Variants in SAMMSON observed in about 807,000 individuals in gnomAD.
SAMMSON encodes the protein survival associated mitochondrial melanoma specific oncogenic non-coding RNA.
intron 4 of SAMMSON, among the ~76,000 whole-genome samples, chr3:70,180,416 C>T (rs1157134385): frequency 1.3e-5 from 2 of 151,884 alleles, no homozygotes; most frequent in South Asian, 2.1e-4. Flanking sequence ...TATATACTAC[C>T]TACATATATT....
At chr3:70,208,822 CT>C (rs1031396043) in intron 4 of SAMMSON, among the ~76,000 whole-genome samples, 1 of 152,058 alleles carries the variant, frequency 6.6e-6, no homozygotes, top group African/African-American at 2.4e-5. Context: ...TCCAAACAGC[CT>C]TGGTTTTCAA....
At chr3:70,166,441 T>C (rs1217283677) in intron 4 of SAMMSON, among the ~76,000 whole-genome samples, 3 of 150,536 alleles carry the variant, frequency 2.0e-5, no homozygotes, top group Non-Finnish European at 4.4e-5. Context: ...TGTAGATCTC[T>C]AGAAGAGGTG....
chr3:70,215,997 G>T (rs529435766), intron 4 of SAMMSON, among the ~76,000 whole-genome samples: 2 of 151,966 alleles, frequency 1.3e-5, no homozygotes, highest in South Asian at 4.2e-4. Flanking sequence ...TGCAACATTT[G>T]CATTGATATC....
rs551258985 is a variant in SAMMSON at position 70,413,053 on chromosome 3, A to C, written n.234-49507A>C. On this transcript the variant is annotated intron_variant and non_coding_transcript_variant, in intron 2 of 3. Transcript: ENST00000641053. ...CGGCAATTCTTAAGAAAATAACCTT[A>C]AAAGAAGTCTTAAAACCTGTATTTC... Among the ~76,000 whole-genome samples, 9 of 152,268 alleles carry C rather than the reference A, an allele frequency of 5.9e-5. 1 individual carries two copies. In the South Asian group the frequency reaches 1.9e-3, roughly 32 times the overall value.
At position 70,398,434 on chromosome 3, in the gene SAMMSON, T is replaced by C. The variant is rs1234108266; in HGVS notation, n.233+40110T>C. Among the ~76,000 whole-genome samples, 5 of 152,194 alleles carry C rather than the reference T, an allele frequency of 3.3e-5. 1 individual carries two copies. The East Asian group carries it at 9.6e-4, about 29-fold the overall frequency. On this transcript the variant is annotated intron_variant and non_coding_transcript_variant, in intron 2 of 3. Coordinates refer to the SAMMSON transcript ENST00000641053. ...AACTGGTTTCTTAAACAAATCAGCA[T>C]AAAAATTTCTAAAGCACTGTATTCT...
chr3:70,198,793 T>C (rs1018153017), intron 4 of SAMMSON, among the ~76,000 whole-genome samples: 12 of 152,234 alleles, frequency 7.9e-5, no homozygotes, highest in African/African-American at 2.9e-4. Flanking sequence ...CCAGATTTGC[T>C]GTATTTTTCT....
At chr3:70,215,228 G>A (rs1235748431) in intron 4 of SAMMSON, among the ~76,000 whole-genome samples, 1 of 152,132 alleles carries the variant, frequency 6.6e-6, no homozygotes, top group Non-Finnish European at 1.5e-5. Context: ...TAGAGGGTCA[G>A]AGATTTTAGT....
At chr3:70,223,251 A>T (rs1249058535) in intron 4 of SAMMSON, among the ~76,000 whole-genome samples, 1 of 152,102 alleles carries the variant, frequency 6.6e-6, no homozygotes, top group Non-Finnish European at 1.5e-5. Flanking sequence ...AGCAATCGAA[A>T]CTCAGAGAGA....
intron 4 of SAMMSON, among the ~76,000 whole-genome samples, chr3:70,175,127 TTAACTC>T (rs1027227614): frequency 2.6e-5 from 4 of 152,068 alleles, no homozygotes; most frequent in African/African-American, 9.7e-5. Context: ...ACACAGTAGT[TTAACTC>T]TATTGGGGAC....
In SAMMSON at chr3:70,041,094, A is replaced by G. The variant is rs536019569; in HGVS notation, n.417+27422A>G. 1.7e-3 allele frequency among the ~76,000 whole-genome samples: 252 copies of G among 152,200 alleles called. 2 individuals are homozygous for G. Among genetic ancestry groups the G allele is most frequent in the Non-Finnish European group, 2.6e-3 (175 of 67,998 alleles). On this transcript the variant is annotated intron_variant and non_coding_transcript_variant, in intron 3 of 9. Coordinates refer to ENST00000642114, the Ensembl canonical transcript of SAMMSON. ...TAAGGCTCAGTTTTGGTAAGGCTCCAATTTATTTGCATGGGGCTTCTTCTA... is the reference window on the plus strand; with the variant it reads ...TAAGGCTCAGTTTTGGTAAGGCTCCGATTTATTTGCATGGGGCTTCTTCTA...
At chr3:70,140,012 T>A (rs1371026830) in intron 4 of SAMMSON, among the ~76,000 whole-genome samples, 1 of 152,198 alleles carries the variant, frequency 6.6e-6, no homozygotes, top group African/African-American at 2.4e-5. Flanking sequence ...TCTAAATCTT[T>A]AAGTTCTGCT....
intron 3 of SAMMSON, among the ~76,000 whole-genome samples, chr3:70,057,657 A>AGTGTGTGT (rs35757148): frequency 7.4e-5 from 11 of 148,894 alleles, no homozygotes; most frequent in South Asian, 2.1e-4. Context: ...TATATGGATG[A>AGTGTGTGT]GTGTGTGTGT....
chr3:70,049,570 A>G (rs189267715), intron 3 of SAMMSON, among the ~76,000 whole-genome samples: 1 of 152,118 alleles, frequency 6.6e-6, no homozygotes, highest in Non-Finnish European at 1.5e-5. Context: ...CTACAGGTAG[A>G]GATCTTGGTA....
chr3:70,401,362 A>G (rs1207820706), intron 2 of SAMMSON, among the ~76,000 whole-genome samples: 2 of 152,172 alleles, frequency 1.3e-5, no homozygotes, highest in Non-Finnish European at 2.9e-5. Context: ...ATGATCCAAG[A>G]ATGCAAGTTT....
At chr3:70,015,655 G>A (rs1341783047) in intron 3 of SAMMSON, among the ~76,000 whole-genome samples, 1 of 152,038 alleles carries the variant, frequency 6.6e-6, no homozygotes, top group African/African-American at 2.4e-5. Flanking sequence ...ATGTTGGTGT[G>A]CTGCACCCAT....
rs569530695 is a variant in SAMMSON at position 70,017,119 on chromosome 3, T to C, written n.417+3447T>C. 1.3e-4 allele frequency among the ~76,000 whole-genome samples: 20 copies of C among 152,312 alleles called. No homozygotes were observed. The Middle Eastern group carries it at 0.014, about 104-fold the overall frequency. On this transcript the variant is annotated intron_variant and non_coding_transcript_variant, in intron 3 of 9. Coordinates refer to ENST00000642114, the Ensembl canonical transcript of SAMMSON. ...TTTAAAGTAGTTTTTTCCAATTCTGTGAAGAAAGTCATCGGTAGCTTGATG... is the reference window on the plus strand; with the variant it reads ...TTTAAAGTAGTTTTTTCCAATTCTGCGAAGAAAGTCATCGGTAGCTTGATG...
chr3:70,195,214 AT>A (rs922624190), intron 4 of SAMMSON, among the ~76,000 whole-genome samples: 19 of 151,180 alleles, frequency 1.3e-4, no homozygotes, highest in Non-Finnish European at 2.1e-4. Context: ...CTAGGAATCT[AT>A]TTTTTTTTCT....
intron 4 of SAMMSON, among the ~76,000 whole-genome samples, chr3:70,183,106 C>A (rs1701067048): frequency 6.6e-6 from 1 of 152,168 alleles, no homozygotes; most frequent in African/African-American, 2.4e-5. Context: ...AGCTACAAGC[C>A]TAGGTGCTTC....
chr3:70,260,413 A>G (rs796654526), intron 6 of SAMMSON, among the ~76,000 whole-genome samples: 3 of 152,246 alleles, frequency 2.0e-5, no homozygotes, highest in African/African-American at 7.2e-5. Flanking sequence ...ATTTCCAAAT[A>G]AAGTCTCATT....
Sources: allele counts gnomAD v4.1 joint callset (sites outside exome capture counted in the v4.1 genomes callset), GRCh38; gene constraint gnomAD v4.1.1; transcripts MANE v1.5; gene names NCBI Gene and HGNC (gene_info 2026-07-23, HGNC 2026-07-21).